Variants in GABARAPL2 observed in about 807,000 individuals in gnomAD.
GABARAPL2 encodes the protein GABA type A receptor associated protein like 2.
GABARAPL2 carries 11 observed loss-of-function variants against 16.9 expected under a neutral mutation model. That is an observed-to-expected ratio of 0.65 (90% confidence interval 0.41 to 1.08). GABARAPL2 has a LOEUF of 1.08. Ranked by LOEUF, GABARAPL2 falls within the 50% of genes least tolerant of loss-of-function variation. The pLI, the probability that GABARAPL2 is intolerant of heterozygous loss-of-function variation, is 0.00. For missense variants in GABARAPL2, 134 were observed against 142.5 expected (o/e 0.94, Z 0.30); for synonymous variants, 57 against 50.7 (o/e 1.12, Z -0.53).
Position 75,577,293 on chromosome 16 carries a change from A to G in GABARAPL2, c.278A>G (p.Gln93Arg), listed in dbSNP as rs1328360287. The stretch of plus-strand genomic sequence containing the variant: ...TCTCTTTCAAGCCTAACTATGGGAC[A>G]GCTTTACGAGAAGGAAAAAGATGAA... ...TVPQSSLTMG[Q>R]LYEKEKDEDG... Residue 93 changes from glutamine (Q) to arginine (R), a missense_variant, in exon 4 of 4, where the codon CAG (glutamine) becomes CGG (arginine). Physicochemically the swap from Gln to Arg is conservative, Grantham distance 43. Coordinates refer to ENST00000037243, the MANE Select transcript of GABARAPL2 (RefSeq NM_007285.7). 2 of 1,608,054 alleles carry G rather than the reference A, an allele frequency of 1.2e-6. No homozygotes were observed. The highest frequency in any genetic ancestry group is 1.7e-6 in the Non-Finnish European group (2 of 1,174,588).
intron 3 of GABARAPL2, 101 bp from the exon 4 acceptor site, chr16:75,577,178 T>G: frequency 1.3e-6 from 1 of 750,798 alleles, no homozygotes; most frequent in East Asian, 2.4e-5. Context: ...CAGCAGGTAC[T>G]GACACCTGAA....
chr16:75,568,024 T>A lies in GABARAPL2; in HGVS notation c.91-13T>A, dbSNP rs1258763583. 1 of 1,592,966 alleles carries A rather than the reference T, an allele frequency of 6.3e-7. No homozygotes were observed. Among genetic ancestry groups the A allele is most frequent in the South Asian group, 1.1e-5 (1 of 90,380 alleles). On this transcript the variant is annotated splice_polypyrimidine_tract_variant and intron_variant, in intron 2 of 3. Coordinates refer to ENST00000037243, the MANE Select transcript of GABARAPL2 (RefSeq NM_007285.7). ...TTAGGAAACACAGTCCTGACCTCTCTTTACTTTCCCAGGTGATTGTGGAAA... is the reference window on the plus strand; with the variant it reads ...TTAGGAAACACAGTCCTGACCTCTCATTACTTTCCCAGGTGATTGTGGAAA...
intron 3 of GABARAPL2, among the ~76,000 whole-genome samples, chr16:75,568,563 C>T (rs2080897183): frequency 6.6e-6 from 1 of 152,256 alleles, no homozygotes; most frequent in African/African-American, 2.4e-5. Context: ...TGCTCCTCCA[C>T]TGGGAGCCTG....
intron 3 of GABARAPL2, chr16:75,576,886 G>T: frequency 6.0e-6 from 1 of 167,912 alleles, no homozygotes; most frequent in Non-Finnish European, 1.3e-5. Context: ...GGTTTAGCTG[G>T]GGAGATTCCA....
At chr16:75,573,507 TC>T (rs2080928945) in intron 3 of GABARAPL2, among the ~76,000 whole-genome samples, 2 of 152,240 alleles carry the variant, frequency 1.3e-5, no homozygotes, top group African/African-American at 4.8e-5. Flanking sequence ...CAACTAAGTT[TC>T]CACATGAGGT....
chr16:75,577,155 G>C, intron 3 of GABARAPL2, 124 bp from the exon 4 acceptor site: 1 of 658,248 alleles, frequency 1.5e-6, no homozygotes, highest in Non-Finnish European at 2.8e-6. Context: ...TTTAAAACAG[G>C]ATTATAAGCA....
At chr16:75,569,695 A>G (rs936621403) in intron 3 of GABARAPL2, among the ~76,000 whole-genome samples, 2 of 152,234 alleles carry the variant, frequency 1.3e-5, no homozygotes, top group East Asian at 1.9e-4. Flanking sequence ...GAAATGAAGC[A>G]GGCTTCTGGA....
intron 2 of GABARAPL2, 27 bp from the exon 3 acceptor site, chr16:75,568,010 A>C: frequency 6.4e-7 from 1 of 1,563,554 alleles, no homozygotes; most frequent in Non-Finnish European, 8.8e-7. Context: ...TAGGAAACAC[A>C]GTCCTGACCT....
intron 3 of GABARAPL2, chr16:75,576,473 A>G (rs2080950243): frequency 6.6e-6 from 1 of 152,350 alleles, no homozygotes; most frequent in South Asian, 2.1e-4. Flanking sequence ...GTGACCTCAG[A>G]TGTCTCAGAC....
chr16:75,575,441 G>A (rs772141024), intron 3 of GABARAPL2, among the ~76,000 whole-genome samples: 12 of 151,914 alleles, frequency 7.9e-5, no homozygotes, highest in South Asian at 2.1e-4. Context: ...GATGACAGGC[G>A]TGCACTACCA....
At chr16:75,570,180 C>T (rs1368793063) in intron 3 of GABARAPL2, among the ~76,000 whole-genome samples, 1 of 152,130 alleles carries the variant, frequency 6.6e-6, no homozygotes, top group East Asian at 1.9e-4. Flanking sequence ...ACTACAATCT[C>T]TGCCTCCTAG....
chr16:75,577,300 C>T lies in GABARAPL2; in HGVS notation c.285C>T (p.Tyr95=), dbSNP rs140999427. The change falls in exon 4 of 4, where the codon TAC becomes TAT. Residue 95 remains tyrosine (Y), a synonymous_variant. Transcript: ENST00000037243. ...CAAGCCTAACTATGGGACAGCTTTA[C>T]GAGAAGGAAAAAGATGAAGATGGAT... ...PQSSLTMGQL[Y]EKEKDEDGFL... The T allele has an allele frequency of 1.2e-4, 195 of 1,610,702 alleles. No individual in the cohort carries two copies. The African/African-American group carries it at 1.9e-3, about 16-fold the overall frequency.
chr16:75,566,928 C>A, intron 2 of GABARAPL2, 21 bp downstream of exon 2: 1 of 1,600,916 alleles, frequency 6.2e-7, no homozygotes. Flanking sequence ...TCTCCGCCCC[C>A]TCACCTCGCT....
chr16:75,575,837 T>C (rs1389621157), intron 3 of GABARAPL2: 2 of 152,336 alleles, frequency 1.3e-5, no homozygotes, highest in Middle Eastern at 3.4e-3. Context: ...CCACTTAATA[T>C]ATTTTATTTG....
At chr16:75,575,153 G>A (rs1196013685) in intron 3 of GABARAPL2, among the ~76,000 whole-genome samples, 2 of 152,092 alleles carry the variant, frequency 1.3e-5, no homozygotes, top group African/African-American at 4.8e-5. Flanking sequence ...TGAGACCCAC[G>A]GCTGCAGGCG....
intron 3 of GABARAPL2, chr16:75,576,498 C>G (rs1274749470): frequency 1.3e-5 from 2 of 152,258 alleles, no homozygotes; most frequent in Non-Finnish European, 2.9e-5. Flanking sequence ...CATCTTACCA[C>G]TGTTTCTGGT....
intron 1 of GABARAPL2, 139 bp downstream of exon 1, chr16:75,566,659 C>T (rs2080884880): frequency 4.8e-6 from 5 of 1,034,546 alleles, no homozygotes; most frequent in Non-Finnish European, 5.7e-6. Context: ...CCTGGTGCCT[C>T]GGGCAGCGGC....
At chr16:75,572,621 C>T (rs755932846) in intron 3 of GABARAPL2, 1 of 152,212 alleles carries the variant, frequency 6.6e-6, no homozygotes, top group African/African-American at 2.4e-5. Flanking sequence ...ACAGTTTCTC[C>T]ACTGGAGAAG....
At chr16:75,568,287 G>A in intron 3 of GABARAPL2, 78 bp downstream of exon 3, 2 of 1,027,384 alleles carry the variant, frequency 1.9e-6, no homozygotes, top group Non-Finnish European at 2.9e-6. Context: ...AACTTTGGAA[G>A]TCTGAAAACT....
Sources: allele counts gnomAD v4.1 joint callset (sites outside exome capture counted in the v4.1 genomes callset), GRCh38; gene constraint gnomAD v4.1.1; transcripts MANE v1.5; gene names NCBI Gene and HGNC (gene_info 2026-07-23, HGNC 2026-07-21).